The following APOB variants were observed in gnomAD, a reference collection of about 807,000 sequenced individuals.
APOB encodes apolipoprotein B, also known as apolipoprotein B-100.
APOB carries 153 observed loss-of-function variants against 314.1 expected under a neutral mutation model. The observed-to-expected ratio is 0.49, with a 90% CI of 0.43 to 0.56. APOB has a LOEUF of 0.56. Ranked by LOEUF, APOB falls within the 20% of genes least tolerant of loss-of-function variation. The pLI is 0.00. For synonymous variants in APOB, 2,087 were observed against 2,036.4 expected (o/e 1.02, Z -0.67); for missense variants, 5,430 against 5,350.7 (o/e 1.01, Z -0.46).
chr2:21,005,183 A>G lies in APOB; in HGVS notation c.11685T>C (p.Asn3895=), dbSNP rs767730462. The G allele has an allele frequency of 1.7e-5, 27 of 1,613,984 alleles. No individual in the cohort carries two copies. The East Asian group carries it at 5.6e-4, about 33-fold the overall frequency. ...TTTTCAAACTGGCACTCCAAGTGGC[A>G]TTATACACGGGAGAGTCTACCTCAA... The part of the protein sequence containing the change: ...ARFEVDSPVY[N]ATWSASLKNK... Residue 3895 remains asparagine (N), a synonymous_variant, in exon 26 of 29, where the codon AAT becomes AAC. Transcript: ENST00000233242.
In APOB at chr2:21,006,691, A is replaced by G. The variant is rs761667741; in HGVS notation, c.10177T>C (p.Leu3393=). ...GTTRLTRKRG[L]KLATALSLSN... ...AGAGACAGAGCTGTGGCTAACTTCA[A>G]TCCCCTTTTTCTTGTCAATCTTGTG... The change falls in exon 26 of 29, where the codon TTG becomes CTG. Residue 3393 remains leucine, a synonymous_variant. Coordinates refer to ENST00000233242, the MANE Select transcript of APOB (RefSeq NM_000384.3). The G allele has an allele frequency of 5.0e-6, 8 of 1,613,972 alleles. No individual in the cohort carries two copies. The East Asian group carries it at 8.9e-5, about 18-fold the overall frequency.
rs2103353229 is a variant in APOB, at chr2:21,007,563, A to T, written c.9305T>A (p.Phe3102Tyr). 6.2e-7 allele frequency: 1 copy of T among 1,614,046 alleles called. No individual in the cohort carries two copies. Among genetic ancestry groups the T allele is most frequent in the African/African-American group, 1.3e-5 (1 of 75,022 alleles). The change falls in exon 26 of 29, where the codon TTC becomes TAC. Residue 3102 changes from phenylalanine (F) to tyrosine (Y), a missense_variant. Phe to Tyr is a conservative substitution (Grantham distance 22, BLOSUM62 3). This residue lies in a region of APOB where 3,281 missense variants were observed against 3,171.0 expected (regional missense o/e 1.03). Coordinates refer to ENST00000233242, the MANE Select transcript of APOB (RefSeq NM_000384.3). Reference protein sequence around the residue: ...RFNQYKYNQNFSAGNNENIME... With the variant: ...RFNQYKYNQNYSAGNNENIME... ...AATGTTCTCGTTGTTTCCAGCAGAG[A>T]AATTTTGGTTGTACTTATACTGATT... is the stretch of plus-strand genomic sequence containing the variant.
At position 21,024,990 on chromosome 2, in the gene APOB, C is replaced by T. The variant is rs768889458; in HGVS notation, c.2379G>A (p.Gln793=). 28 of 1,614,110 alleles carry T rather than the reference C, an allele frequency of 1.7e-5. No homozygotes were observed. The highest frequency in any genetic ancestry group is 2.2e-5 in the Non-Finnish European group (26 of 1,180,046). ...CCATCAGAAGCAGCTTTCCCAGGAGCTGGAGGTCATGGAGACTGGCAAAAC... is the reference window on the plus strand; with the variant it reads ...CCATCAGAAGCAGCTTTCCCAGGAGTTGGAGGTCATGGAGACTGGCAAAAC... ...ELGFASLHDL[Q]LLGKLLLMGA... Residue 793 remains glutamine, a synonymous_variant, in exon 16 of 29, where the codon CAG becomes CAA. Coordinates refer to ENST00000233242, the MANE Select transcript of APOB (RefSeq NM_000384.3).
At position 21,027,920 on chromosome 2, in the gene APOB, G is replaced by A. The variant is rs1026800482; in HGVS notation, c.1975C>T (p.Leu659Phe). ...AGGTAGTTATTTGGATCAAATATAA[G>A]ATTCCCTTCTATTTTGGCTGAGGCT... ...DPASAKIEGNLIFDPNNYLPK... is the reference protein window; with the variant it reads ...DPASAKIEGNFIFDPNNYLPK... Residue 659 changes from leucine to phenylalanine, a missense_variant, in exon 14 of 29, where the codon CTT (leucine) becomes TTT (phenylalanine). By Grantham distance (22) the Leu-to-Phe change is conservative. Around this residue, in one of 3 missense-constraint regions of APOB, gnomAD observed 2,085 missense variants for 2,079.7 expected, o/e 1.00. Coordinates refer to ENST00000233242, the MANE Select transcript of APOB (RefSeq NM_000384.3). The A allele has an allele frequency of 8.1e-6, 13 of 1,614,126 alleles. No homozygotes were observed. Among genetic ancestry groups the A allele is most frequent in the Middle Eastern group, 3.3e-4 (2 of 6,062 alleles).
At chr2:21,038,868 C>A (rs1027997583) in intron 4 of APOB, among the ~76,000 whole-genome samples, 3 of 152,166 alleles carry the variant, frequency 2.0e-5, no homozygotes, top group Non-Finnish European at 4.4e-5. Flanking sequence ...TCTTGTTTTT[C>A]TCACTTAATT....
chr2:21,043,961 G>C lies in APOB; in HGVS notation c.-16C>G, dbSNP rs1664205156. On this transcript the variant is annotated 5_prime_UTR_variant, in exon 1 of 29. Transcript: ENST00000233242. ...GCGGGTCCATCGCCAGCTGCGGTGGGGCGGCTCCTGGGCTGCGGCCTGGCC... is the reference window on the plus strand; with the variant it reads ...GCGGGTCCATCGCCAGCTGCGGTGGCGCGGCTCCTGGGCTGCGGCCTGGCC... 1 of 1,250,810 alleles carries C rather than the reference G, an allele frequency of 8.0e-7. No homozygotes were observed. The highest frequency in any genetic ancestry group is 1.0e-6 in the Non-Finnish European group (1 of 982,626). 77.5% of individuals were successfully genotyped at this position (1,250,810 alleles called of 1,614,324 possible). A position where few individuals can be genotyped will look rare whatever the true frequency, so the allele number is the denominator to read the frequency against.
chr2:21,012,155 T>A lies in APOB; in HGVS notation c.4713A>T (p.Lys1571Asn), dbSNP rs1183788860. 1 of 1,601,520 alleles carries A rather than the reference T, an allele frequency of 6.2e-7. No homozygotes were observed. The highest frequency in any genetic ancestry group is 2.2e-5 in the East Asian group (1 of 44,692). Residue 1571 changes from lysine (K) to asparagine (N), a missense_variant, in exon 26 of 29, where the codon AAA becomes AAT. Lys to Asn is a moderately conservative substitution (Grantham distance 94, BLOSUM62 0). Coordinates refer to ENST00000233242, the MANE Select transcript of APOB (RefSeq NM_000384.3). Reference protein sequence around the residue: ...LKYENYELTLKSDTNGKYKNF... With the variant: ...LKYENYELTLNSDTNGKYKNF... The stretch of plus-strand genomic sequence containing the variant: ...TCTTATACTTCCCATTGGTGTCAGA[T>A]TTTAAAGTCAGCTCGTAGTTCTCAT...
In APOB at chr2:21,012,671, A is replaced by G; in HGVS notation, c.4217-20T>C. Reference sequence around the variant, plus strand: ...CAGATCCTAACATAAAAATGAAAAGACATTGGTTAAATTAAGCAGTACATT... The same window carrying G: ...CAGATCCTAACATAAAAATGAAAAGGCATTGGTTAAATTAAGCAGTACATT... On this transcript the variant is annotated intron_variant, in intron 25 of 28. Coordinates refer to ENST00000233242, the MANE Select transcript of APOB (RefSeq NM_000384.3). The G allele has an allele frequency of 6.2e-7, 1 of 1,606,138 alleles. No homozygotes were observed. The highest frequency in any genetic ancestry group is 8.5e-7 in the Non-Finnish European group (1 of 1,178,772).
rs141982176 is a variant in APOB at position 21,005,986 on chromosome 2, T to A, written c.10882A>T (p.Asn3628Tyr). The A allele has an allele frequency of 4.2e-5, 67 of 1,613,854 alleles. No individual in the cohort carries two copies. In the African/African-American group the frequency reaches 8.1e-4, roughly 20 times the overall value. The change falls in exon 26 of 29, where the codon AAC (asparagine) becomes TAC (tyrosine). Residue 3628 changes from asparagine to tyrosine, a missense_variant. Asn to Tyr is a moderately radical substitution (Grantham distance 143). This residue lies in a region of APOB where 3,281 missense variants were observed against 3,171.0 expected (regional missense o/e 1.03). Transcript: ENST00000233242. ...TCATTTTTCCATCTGATCTTCTGGT[T>A]CTTAGTGTTAGCATTCAGGGCCACT... Reference protein sequence around the residue: ...QEVALNANTKNQKIRWKNEVR... With the variant: ...QEVALNANTKYQKIRWKNEVR...
intron 11 of APOB, 50 bp downstream of exon 11, chr2:21,029,848 A>T: frequency 6.2e-7 from 1 of 1,611,144 alleles, no homozygotes; most frequent in South Asian, 1.1e-5. Flanking sequence ...AAAGGTGTCC[A>T]GGAAAAGTGC....
intron 12 of APOB, 130 bp from the exon 13 acceptor site, chr2:21,028,668 A>C (rs1186455196): frequency 1.4e-6 from 1 of 690,036 alleles, no homozygotes; most frequent in East Asian, 2.7e-5. Context: ...CGTTCTTCAA[A>C]TGCTGGTATT....
intron 19 of APOB, among the ~76,000 whole-genome samples, chr2:21,019,364 GA>G (rs1232969972): frequency 6.6e-6 from 1 of 152,098 alleles, no homozygotes; most frequent in Non-Finnish European, 1.5e-5. Flanking sequence ...GCAAAGCTGA[GA>G]ACAAGCACTG....
chr2:21,004,955 TCTTA>T (rs1291182470), intron 26 of APOB, 121 bp downstream of exon 26: 17 of 1,338,924 alleles, frequency 1.3e-5, no homozygotes, highest in African/African-American at 1.0e-4. Context: ...GTATCTCTTT[TCTTA>T]CTTAAAATTT....
Position 21,016,638 on chromosome 2 carries a change from T to C in APOB, c.3133A>G (p.Thr1045Ala), listed in dbSNP as rs1663473510. 6.2e-7 allele frequency: 1 copy of C among 1,601,888 alleles called. No homozygotes were observed. ...FVTQAEGAKQ[T>A]EATMTFKYNR... ...TATTTGAATGTCATGGTAGCCTCAG[T>C]CTGCTTCGCACCTGGACGAGTGTAT... Residue 1045 changes from threonine to alanine, a missense_variant, in exon 21 of 29, where the codon ACT (threonine) becomes GCT (alanine). Around this residue, in one of 3 missense-constraint regions of APOB, gnomAD observed 2,085 missense variants for 2,079.7 expected, o/e 1.00. Coordinates refer to ENST00000233242, the MANE Select transcript of APOB (RefSeq NM_000384.3).
rs746574336 is a variant in APOB at position 21,006,982 on chromosome 2, T to C, written c.9886A>G (p.Thr3296Ala). ...AGCTCTAATGATGGCAGGATTAATGTGTATGAAGGCACACGGACGTCAGAA... is the reference window on the plus strand; with the variant it reads ...AGCTCTAATGATGGCAGGATTAATGCGTATGAAGGCACACGGACGTCAGAA... ...LGSDVRVPSY[T>A]LILPSLELPV... Residue 3296 changes from threonine (T) to alanine (A), a missense_variant, in exon 26 of 29, where the codon ACA becomes GCA. By Grantham distance (58) the Thr-to-Ala change is moderately conservative (BLOSUM62 0). Around this residue, in one of 3 missense-constraint regions of APOB, gnomAD observed 3,281 missense variants for 3,171.0 expected, o/e 1.03. Coordinates refer to ENST00000233242, the MANE Select transcript of APOB (RefSeq NM_000384.3). 4 of 1,614,052 alleles carry C rather than the reference T, an allele frequency of 2.5e-6. No individual in the cohort carries two copies. Among genetic ancestry groups the C allele is most frequent in the Non-Finnish European group, 1.7e-6 (2 of 1,179,952 alleles).
At chr2:21,032,330 G>A (rs760875594) in intron 10 of APOB, 24 bp downstream of exon 10, 1 of 1,600,462 alleles carries the variant, frequency 6.2e-7, no homozygotes, top group Non-Finnish European at 8.5e-7. Context: ...CTCCTAGGAG[G>A]AGAAATACAG....
chr2:21,029,958 C>G lies in APOB; in HGVS notation c.1410G>C (p.Leu470=), dbSNP rs368305590. Residue 470 remains leucine, a synonymous_variant, in exon 11 of 29, where the codon CTG becomes CTC. Coordinates refer to ENST00000233242, the MANE Select transcript of APOB (RefSeq NM_000384.3). ...TGCAGTCATCTTGAATCTGTTCCATCAGGTAATTAGCAATGTCCAGCAGCT... is the reference window on the plus strand; with the variant it reads ...TGCAGTCATCTTGAATCTGTTCCATGAGGTAATTAGCAATGTCCAGCAGCT... ...TQELLDIANY[L]MEQIQDDCTG... is the part of the protein sequence containing the mutation. 6.2e-7 allele frequency: 1 copy of G among 1,614,016 alleles called. No homozygotes were observed. Among genetic ancestry groups the G allele is most frequent in the African/African-American group, 1.3e-5 (1 of 74,944 alleles).
intron 7 of APOB, 142 bp from the exon 8 acceptor site, chr2:21,035,043 G>A: frequency 1.3e-6 from 1 of 740,938 alleles, no homozygotes; most frequent in South Asian, 1.4e-5. Context: ...TGTTGGCCCT[G>A]AATGAATAAC....
Position 21,006,198 on chromosome 2 carries a change from T to C in APOB, c.10670A>G (p.Gln3557Arg). The C allele has an allele frequency of 6.2e-7, 1 of 1,614,086 alleles. No individual in the cohort carries two copies. Among genetic ancestry groups the C allele is most frequent in the African/African-American group, 1.3e-5 (1 of 75,042 alleles). Residue 3557 changes from glutamine to arginine, a missense_variant, in exon 26 of 29, where the codon CAA (glutamine) becomes CGA (arginine). Around this residue, in one of 3 missense-constraint regions of APOB, gnomAD observed 3,281 missense variants for 3,171.0 expected, o/e 1.03. Coordinates refer to ENST00000233242, the MANE Select transcript of APOB (RefSeq NM_000384.3). Reference sequence around the variant, plus strand: ...GTGCTCCCAGAGGGAATATATGCGTTGGAGTGTGGCTTCTCCAGCAAAATT... The same window carrying C: ...GTGCTCCCAGAGGGAATATATGCGTCGGAGTGTGGCTTCTCCAGCAAAATT... ...KENFAGEATLQRIYSLWEHST... is the reference protein window; with the variant it reads ...KENFAGEATLRRIYSLWEHST...
Sources: gnomAD v4.1 joint callset for allele counts (sites outside exome capture counted in the v4.1 genomes callset) on GRCh38, gnomAD v4.1.1 for gene constraint, gnomAD v4.1.1 regional missense constraint, MANE v1.5 for transcripts, NCBI Gene and HGNC (gene_info 2026-07-23, HGNC 2026-07-21) for gene names.